The following PTCHD4 variants were observed in gnomAD, a reference collection of about 807,000 sequenced individuals.
PTCHD4 encodes the protein patched domain-containing protein 4.
In PTCHD4, 33 loss-of-function variants were observed where a neutral mutation model predicts 58.1. The observed-to-expected ratio is 0.57, with a 90% CI of 0.43 to 0.76. PTCHD4 has a LOEUF of 0.76. PTCHD4 is among the 30% of genes least tolerant of loss of function. The pLI, the probability that PTCHD4 is intolerant of heterozygous loss-of-function variation, is 0.00. For missense variants in PTCHD4, 1,058 were observed against 1,027.1 expected (o/e 1.03, Z -0.41); for synonymous variants, 478 against 409.6 (o/e 1.17, Z -2.02).
Position 47,874,765 on chromosome 6 carries a change from T to A in PTCHD4, c.*3538A>T, listed in dbSNP as rs771239075. Among the ~76,000 whole-genome samples, 1 of 151,746 alleles carries A rather than the reference T, an allele frequency of 6.6e-6. No individual in the cohort carries two copies. The highest frequency in any genetic ancestry group is 2.4e-5 in the African/African-American group (1 of 41,382). Reference sequence around the variant, plus strand: ...TGATACAACAACAGAGGAGAATAGTTCTTTCATAGAATACTCATGCACAGC... The same window carrying A: ...TGATACAACAACAGAGGAGAATAGTACTTTCATAGAATACTCATGCACAGC... On this transcript the variant is annotated 3_prime_UTR_variant, in exon 5 of 5. Transcript: ENST00000339488.
intron 3 of PTCHD4, among the ~76,000 whole-genome samples, chr6:48,021,052 T>C (rs1763050767): frequency 6.6e-6 from 1 of 152,126 alleles, no homozygotes; most frequent in Non-Finnish European, 1.5e-5. Flanking sequence ...TTGAGTTGTT[T>C]TTAATATAGG....
chr6:48,022,911 TGAAAG>T (rs771033477), intron 3 of PTCHD4, among the ~76,000 whole-genome samples: 3 of 151,960 alleles, frequency 2.0e-5, no homozygotes, highest in Non-Finnish European at 4.4e-5. Flanking sequence ...TTTAATTTCT[TGAAAG>T]GAAAAAAAAA....
At chr6:47,904,871 G>A (rs1397986938) in intron 4 of PTCHD4, among the ~76,000 whole-genome samples, 1 of 152,076 alleles carries the variant, frequency 6.6e-6, no homozygotes, top group Non-Finnish European at 1.5e-5. Flanking sequence ...AGAGTTCAAT[G>A]GTGAGAAAAC....
chr6:47,867,985 C>T lies in PTCHD4; in HGVS notation c.*10318G>A, dbSNP rs537955636. 5.9e-5 allele frequency among the ~76,000 whole-genome samples: 9 copies of T among 151,838 alleles called. No homozygotes were observed. The highest frequency in any genetic ancestry group is 2.2e-4 in the African/African-American group (9 of 41,504). The stretch of plus-strand genomic sequence containing the variant: ...TTGATCCTAAAATGGGACTGAATTT[C>T]TAGTTCTATCTTTTTAAAGAGTAAC... On this transcript the variant is annotated 3_prime_UTR_variant, in exon 5 of 5. Transcript: ENST00000339488.
At chr6:48,052,829 A>G (rs1477587445) in intron 3 of PTCHD4, among the ~76,000 whole-genome samples, 1 of 152,040 alleles carries the variant, frequency 6.6e-6, no homozygotes, top group Non-Finnish European at 1.5e-5. Context: ...CACTCATATT[A>G]ACTGAGAAAA....
At chr6:48,005,734 A>C (rs1412737437) in intron 4 of PTCHD4, among the ~76,000 whole-genome samples, 1 of 152,250 alleles carries the variant, frequency 6.6e-6, no homozygotes, top group Non-Finnish European at 1.5e-5. Flanking sequence ...TTTGAGGATA[A>C]CATATACTTT....
intron 4 of PTCHD4, among the ~76,000 whole-genome samples, chr6:47,939,565 CTG>C (rs1439553405): frequency 2.6e-5 from 4 of 152,062 alleles, no homozygotes; most frequent in Non-Finnish European, 5.9e-5. Flanking sequence ...CACTTCTGCT[CTG>C]TGTCAGTGAT....
At chr6:48,039,137 C>A (rs1027708456) in intron 3 of PTCHD4, among the ~76,000 whole-genome samples, 2 of 152,060 alleles carry the variant, frequency 1.3e-5, no homozygotes. Flanking sequence ...CCCCAAAGAG[C>A]AGACAATGCA....
chr6:48,041,312 T>C (rs1582064692), intron 3 of PTCHD4, among the ~76,000 whole-genome samples: 1 of 152,146 alleles, frequency 6.6e-6, no homozygotes, highest in African/African-American at 2.4e-5. Flanking sequence ...GGACATCAGC[T>C]CTTTAGTTCC....
At chr6:48,041,228 A>G (rs889811142) in intron 3 of PTCHD4, among the ~76,000 whole-genome samples, 1 of 152,056 alleles carries the variant, frequency 6.6e-6, no homozygotes, top group Non-Finnish European at 1.5e-5. Flanking sequence ...CTCAATTTTC[A>G]CAAAGAAACA....
chr6:48,024,225 A>G (rs1296281455), intron 3 of PTCHD4, among the ~76,000 whole-genome samples: 1 of 152,162 alleles, frequency 6.6e-6, no homozygotes, highest in African/African-American at 2.4e-5. Flanking sequence ...AATAAAATAA[A>G]TAAAAACAAA....
chr6:47,883,010 G>A (rs1764068670), intron 4 of PTCHD4, among the ~76,000 whole-genome samples: 2 of 151,388 alleles, frequency 1.3e-5, no homozygotes, highest in South Asian at 4.2e-4. Flanking sequence ...TTCTAGATGG[G>A]TCCAAAAATA....
In PTCHD4 at chr6:47,878,834, C is replaced by G. The variant is rs979347488; in HGVS notation, c.2001G>C (p.Leu667=). 1.2e-6 allele frequency: 2 copies of G among 1,613,494 alleles called. No individual in the cohort carries two copies. The highest frequency in any genetic ancestry group is 2.7e-5 in the African/African-American group (2 of 74,844). The change falls in exon 5 of 5, where the codon CTG becomes CTC. Residue 667 remains leucine, a synonymous_variant. Coordinates refer to ENST00000339488, the MANE Select transcript of PTCHD4 (RefSeq NM_001384253.1). ...PVLIAGFGVL[L]VLILTFFLVI... ...CTAGGAAAAAAGTCAGGATTAACAC[C>G]AGGAGAACACCAAAGCCTGCAATCA... is the stretch of plus-strand genomic sequence containing the variant.
intron 4 of PTCHD4, among the ~76,000 whole-genome samples, chr6:47,916,882 C>G (rs1765275473): frequency 6.6e-6 from 1 of 152,072 alleles, no homozygotes; most frequent in Non-Finnish European, 1.5e-5. Flanking sequence ...AAAAATAAAA[C>G]AACTTTGTAT....
intron 4 of PTCHD4, among the ~76,000 whole-genome samples, chr6:47,987,361 A>G (rs368083191): frequency 3.8e-4 from 58 of 151,912 alleles, no homozygotes; most frequent in African/African-American, 1.3e-3. Flanking sequence ...TACATATGTA[A>G]CAAACCTGCA....
chr6:48,039,755 G>T (rs1004325238), intron 3 of PTCHD4, among the ~76,000 whole-genome samples: 1 of 152,042 alleles, frequency 6.6e-6, no homozygotes, highest in Non-Finnish European at 1.5e-5. Flanking sequence ...TTAGGCTTGA[G>T]TTTTTTCAGA....
chr6:48,014,049 A>G (rs1762784972), intron 3 of PTCHD4, among the ~76,000 whole-genome samples: 1 of 152,188 alleles, frequency 6.6e-6, no homozygotes, highest in African/African-American at 2.4e-5. Context: ...AAAAAAGTTT[A>G]TAAAAGGTAC....
Position 48,068,709 on chromosome 6 carries a change from GC to G in PTCHD4, c.6-69del, listed in dbSNP as rs1764896160. 19 of 1,438,928 alleles carry G rather than the reference GC, an allele frequency of 1.3e-5. No individual in the cohort carries two copies. The highest frequency in any genetic ancestry group is 1.6e-5 in the Non-Finnish European group (17 of 1,085,592). 89.1% of individuals were successfully genotyped at this position (1,438,928 alleles called of 1,614,324 possible). ...GTTCTCCCCCATCCCACCCCCTGGG[GC>G]CAGTCCCCCCTCCCCACCGCCGCCG... On this transcript the variant is annotated intron_variant, in intron 2 of 4. Transcript: ENST00000339488. The surrounding 1 kb of genome is among the most constrained non-coding windows in gnomAD (Gnocchi z 4.2).
intron 1 of PTCHD4, among the ~76,000 whole-genome samples, chr6:48,107,662 A>C (rs1349354985): frequency 2.6e-5 from 4 of 152,066 alleles, no homozygotes; most frequent in East Asian, 3.9e-4. Context: ...AGTGAACAGG[A>C]AACCTACAGA....
Sources: gnomAD v4.1 joint callset for allele counts (sites outside exome capture counted in the v4.1 genomes callset) on GRCh38, gnomAD v4.1.1 for gene constraint, Gnocchi (gnomAD v3.1) non-coding constraint, MANE v1.5 for transcripts, NCBI Gene and HGNC (gene_info 2026-07-23, HGNC 2026-07-21) for gene names.